SSPN: variants seen among roughly 807,000 people sequenced by gnomAD.
The protein encoded by SSPN is sarcospan.
In SSPN, 15 loss-of-function variants were observed where a neutral mutation model predicts 19.1. The ratio of observed to expected loss-of-function variants is 0.78; its 90% CI spans 0.52 to 1.21. The LOEUF (loss-of-function observed/expected upper bound fraction) is 1.21. SSPN is among the 50% of genes most tolerant of loss of function. The pLI, the probability that SSPN is intolerant of heterozygous loss-of-function variation, is 0.00. For missense variants in SSPN, 291 were observed against 314.0 expected, an observed-to-expected ratio of 0.93 and a Z score of 0.55; for synonymous variants, 147 against 140.3, an observed-to-expected ratio of 1.05 and a Z score of -0.34.
chr12:26,201,043 ATAT>A (rs1362675618), intron 1 of SSPN, among the ~76,000 whole-genome samples: 47 of 56,990 alleles, frequency 8.2e-4, no homozygotes, highest in African/African-American at 3.1e-3. Flanking sequence ...ATATATATAT[ATAT>A]TATATATATA....
chr12:26,195,590 G>A lies in SSPN; in HGVS notation c.-83G>A, dbSNP rs867731398. The A allele has an allele frequency of 4.8e-4, 640 of 1,334,532 alleles. 2 individuals carry two copies. The highest frequency in any genetic ancestry group is 1.9e-3 in the Middle Eastern group (7 of 3,602). The allele number at this position is 1,334,532 out of a possible 1,614,324, so 82.7% of individuals were successfully genotyped here. A position where few individuals can be genotyped will look rare whatever the true frequency, so the allele number is the denominator to read the frequency against. On this transcript the variant is annotated 5_prime_UTR_variant, in exon 1 of 3. Transcript: ENST00000242729. ...CAGCCTCCATAATTCGAATACCAGG[G>A]CAGGCCGAGCCAGCCGTGCGCCGCG...
intron 1 of SSPN, among the ~76,000 whole-genome samples, chr12:26,138,224 A>G (rs1397076681): frequency 1.3e-5 from 2 of 152,160 alleles, no homozygotes; most frequent in African/African-American, 2.4e-5. Flanking sequence ...TTCGTTTCAC[A>G]TATTTTTGAT....
chr12:26,192,778 T>C (rs529253285), upstream of SSPN, among the ~76,000 whole-genome samples: 31 of 152,324 alleles, frequency 2.0e-4, no homozygotes, highest in Non-Finnish European at 3.7e-4. Flanking sequence ...TTGCTTTCAT[T>C]TGTAATGTGT....
chr12:26,228,158 G>A (rs1350296722), intron 2 of SSPN, among the ~76,000 whole-genome samples: 1 of 152,106 alleles, frequency 6.6e-6, no homozygotes, highest in East Asian at 1.9e-4. Context: ...CACTTTGGGA[G>A]GCTGAGTCAG....
intron 1 of SSPN, chr12:26,125,122 C>A: frequency 3.8e-6 from 1 of 264,762 alleles, no homozygotes; most frequent in Non-Finnish European, 7.4e-6. Context: ...CGGAGGGGGG[C>A]GGGGGAGGAG....
intron 2 of SSPN, among the ~76,000 whole-genome samples, chr12:26,229,388 A>T (rs1209404575): frequency 1.3e-5 from 2 of 152,250 alleles, no homozygotes; most frequent in African/African-American, 4.8e-5. Flanking sequence ...CCACACATAC[A>T]TGCACACATA....
intron 1 of SSPN, among the ~76,000 whole-genome samples, chr12:26,142,963 T>C (rs765387953): frequency 6.6e-6 from 1 of 152,242 alleles, no homozygotes; most frequent in Non-Finnish European, 1.5e-5. Flanking sequence ...TGTACCTGTA[T>C]TATGATGATT....
intron 2 of SSPN, among the ~76,000 whole-genome samples, chr12:26,229,244 T>A (rs1040398028): frequency 6.6e-6 from 1 of 151,256 alleles, no homozygotes; most frequent in African/African-American, 2.5e-5. Flanking sequence ...AAGAAAAAAA[T>A]GGCTTTAACT....
chr12:26,156,121 AT>A (rs1182097512), intron 1 of SSPN, among the ~76,000 whole-genome samples: 1 of 152,306 alleles, frequency 6.6e-6, no homozygotes, highest in East Asian at 1.9e-4. Flanking sequence ...GAAAATTAAT[AT>A]TTTTTGGCCA....
intron 1 of SSPN, among the ~76,000 whole-genome samples, chr12:26,134,199 C>T (rs781546799): frequency 1.3e-5 from 2 of 152,102 alleles, no homozygotes; most frequent in Non-Finnish European, 1.5e-5. Flanking sequence ...TTTAATGTAC[C>T]CTGCTCTTGC....
At chr12:26,153,284 G>A (rs902811108) in intron 1 of SSPN, among the ~76,000 whole-genome samples, 11 of 152,100 alleles carry the variant, frequency 7.2e-5, no homozygotes, top group Admixed American at 3.3e-4. Context: ...ACCCTACTTG[G>A]ATCTTATTAA....
intron 2 of SSPN, among the ~76,000 whole-genome samples, chr12:26,226,670 T>C (rs949465821): frequency 8.5e-5 from 13 of 152,114 alleles, no homozygotes; most frequent in Admixed American, 7.8e-4. Flanking sequence ...TTCCTGCCTT[T>C]CCTAGTGGCC....
Position 26,231,755 on chromosome 12 carries a change from A to T in SSPN, c.*679A>T. The stretch of plus-strand genomic sequence containing the variant: ...ATGCTTTAGATGATTGCCTCTCAAT[A>T]ATTGAAAGGTGGTGGTAGTTGTATT... On this transcript the variant is annotated 3_prime_UTR_variant, in exon 3 of 3. Coordinates refer to ENST00000242729, the MANE Select transcript of SSPN (RefSeq NM_005086.5). 4.4e-6 allele frequency: 1 copy of T among 227,294 alleles called. No individual in the cohort carries two copies. Among genetic ancestry groups the T allele is most frequent in the Non-Finnish European group, 7.3e-6 (1 of 136,896 alleles). The allele number at this position is 227,294 out of a possible 1,614,324, so 14.1% of individuals were successfully genotyped here. A position where few individuals can be genotyped will look rare whatever the true frequency, so the allele number is the denominator to read the frequency against.
chr12:26,193,028 A>C (rs932752930), upstream of SSPN, among the ~76,000 whole-genome samples: 1 of 152,224 alleles, frequency 6.6e-6, no homozygotes, highest in African/African-American at 2.4e-5. Context: ...ATCTAGTTAT[A>C]AACTAGTACT....
chr12:26,134,130 T>C (rs2137399058), intron 1 of SSPN, among the ~76,000 whole-genome samples: 1 of 152,330 alleles, frequency 6.6e-6, no homozygotes, highest in South Asian at 2.1e-4. Flanking sequence ...GTCTCATCAC[T>C]CATTTCTCTG....
At position 26,233,582 on chromosome 12, in the gene SSPN, T is replaced by G. The variant is rs1406912118; in HGVS notation, c.*2506T>G. The G allele has an allele frequency of 6.6e-6, 1 of 152,172 alleles. No individual in the cohort carries two copies. Among genetic ancestry groups the G allele is most frequent in the East Asian group, 1.9e-4 (1 of 5,202 alleles). 9.4% of individuals were successfully genotyped at this position (152,172 alleles called of 1,614,324 possible). A position where few individuals can be genotyped will look rare whatever the true frequency, so the allele number is the denominator to read the frequency against. ...CGCTTTGGGCTGGATTTGAAGTATT[T>G]TGATGTTGTGTTTTGCAAATATTGA... On this transcript the variant is annotated 3_prime_UTR_variant, in exon 3 of 3. Coordinates refer to ENST00000242729, the MANE Select transcript of SSPN (RefSeq NM_005086.5). This position sits in a 1 kb window ranked among gnomAD's most constrained non-coding sequence, Gnocchi z 4.3.
chr12:26,205,947 T>C (rs1944927339), intron 1 of SSPN, among the ~76,000 whole-genome samples: 3 of 152,212 alleles, frequency 2.0e-5, no homozygotes. Context: ...GAGAAGCCTC[T>C]TAAAGGGCTT....
At chr12:26,140,232 T>C (rs1944450918) in intron 1 of SSPN, among the ~76,000 whole-genome samples, 1 of 152,196 alleles carries the variant, frequency 6.6e-6, no homozygotes, top group African/African-American at 2.4e-5. Context: ...CATGTTTTGC[T>C]CCAAACCCAT....
intron 1 of SSPN, among the ~76,000 whole-genome samples, chr12:26,154,561 G>A (rs1944545174): frequency 1.3e-5 from 2 of 152,130 alleles, no homozygotes; most frequent in Non-Finnish European, 2.9e-5. Context: ...GTGGCTTCAG[G>A]TTCTGGCACT....
Sources: gnomAD v4.1 joint callset for allele counts (sites outside exome capture counted in the v4.1 genomes callset) on GRCh38, gnomAD v4.1.1 for gene constraint, Gnocchi (gnomAD v3.1) non-coding constraint, MANE v1.5 for transcripts, NCBI Gene and HGNC (gene_info 2026-07-23, HGNC 2026-07-21) for gene names.